RORA: variants seen among roughly 807,000 people sequenced by gnomAD.
RORA encodes RAR related orphan receptor A.
A neutral mutation model predicts 69.5 loss-of-function variants in RORA; 7 were observed. The ratio of observed to expected loss-of-function variants is 0.10; its 90% confidence interval spans 0.06 to 0.19. RORA has a LOEUF of 0.19. Ranked by LOEUF, RORA falls within the 10% of genes least tolerant of loss-of-function variation. RORA has a pLI of 1.00. For synonymous variants in RORA, 261 were observed against 240.8 expected (o/e 1.08, Z -0.78); for missense variants, 457 against 663.0 (o/e 0.69, Z 3.41).
intron 2 of RORA, among the ~76,000 whole-genome samples, chr15:60,661,237 G>C (rs532304744): frequency 1.3e-5 from 2 of 152,282 alleles, no homozygotes; most frequent in Admixed American, 6.5e-5. Context: ...AAGTGGTGCA[G>C]TTGCACAAGG....
chr15:60,791,659 T>G (rs2072419347), intron 1 of RORA, among the ~76,000 whole-genome samples: 1 of 152,140 alleles, frequency 6.6e-6, no homozygotes, highest in African/African-American at 2.4e-5. Context: ...TGCCCAATCC[T>G]CGGCTGGCTG....
At chr15:60,774,267 G>C (rs763360022) in intron 1 of RORA, among the ~76,000 whole-genome samples, 5 of 152,180 alleles carry the variant, frequency 3.3e-5, no homozygotes, top group Non-Finnish European at 7.3e-5. Context: ...AGTCTGCGTA[G>C]TACTTTTCAA....
At chr15:61,113,717 A>G (rs976509497) in intron 1 of RORA, among the ~76,000 whole-genome samples, 1 of 152,166 alleles carries the variant, frequency 6.6e-6, no homozygotes, top group Non-Finnish European at 1.5e-5. Context: ...ACATGCGGAT[A>G]TATACATCCT....
intron 1 of RORA, among the ~76,000 whole-genome samples, chr15:60,947,799 C>A (rs1892942674): frequency 6.6e-6 from 1 of 151,744 alleles, no homozygotes; most frequent in Non-Finnish European, 1.5e-5. Context: ...TGCCTGCAGC[C>A]TCCGCAGTGG....
intron 1 of RORA, among the ~76,000 whole-genome samples, chr15:60,869,028 C>T (rs1263109660): frequency 2.0e-5 from 3 of 152,156 alleles, no homozygotes; most frequent in Non-Finnish European, 2.9e-5. Flanking sequence ...CCATCAACCT[C>T]GGACCAAATC....
chr15:61,060,004 G>GAAGAAC (rs2078158045), intron 1 of RORA, among the ~76,000 whole-genome samples: 1 of 127,066 alleles, frequency 7.9e-6, no homozygotes, highest in African/African-American at 3.1e-5. Flanking sequence ...AGAAGAAGAA[G>GAAGAAC]AAGAAGAAGA....
rs1457890002 is a variant in RORA, at chr15:61,026,380, C to CT, written c.166+202672dup. 3.3e-5 allele frequency among the ~76,000 whole-genome samples: 5 copies of CT among 152,304 alleles called. No individual in the cohort carries two copies. In the East Asian group the frequency reaches 9.6e-4, roughly 29 times the overall value. ...TGGGATGTATTTTGCTGGTGAATTG[C>CT]TAGAAGCAGCAAAATTACAACGGTA... On this transcript the variant is annotated intron_variant, in intron 1 of 10. Coordinates refer to ENST00000335670, the MANE Select transcript of RORA (RefSeq NM_134261.3).
intron 1 of RORA, among the ~76,000 whole-genome samples, chr15:61,087,429 C>T (rs2078641425): frequency 6.6e-6 from 1 of 152,230 alleles, no homozygotes; most frequent in African/African-American, 2.4e-5. Context: ...AGTCATAATG[C>T]TTTGAAATTC....
At chr15:61,140,523 G>C (rs548170307) in intron 1 of RORA, among the ~76,000 whole-genome samples, 1 of 152,072 alleles carries the variant, frequency 6.6e-6, no homozygotes, top group Non-Finnish European at 1.5e-5. Context: ...ACAATGCCCC[G>C]ATCCAGAGCA....
intron 1 of RORA, among the ~76,000 whole-genome samples, chr15:60,980,179 CATTG>C (rs1462455540): frequency 5.3e-5 from 8 of 152,126 alleles, no homozygotes; most frequent in Non-Finnish European, 8.8e-5. Flanking sequence ...TGGTATATTG[CATTG>C]ATTGACTTTC....
chr15:60,876,311 T>TGGGGGGGGGG (rs56278031), intron 1 of RORA, among the ~76,000 whole-genome samples: 1 of 102,452 alleles, frequency 9.8e-6, no homozygotes. Flanking sequence ...TTACAGGAAG[T>TGGGGGGGGGG]GGGGGGGGGG....
chr15:60,719,989 C>G (rs1026372810), intron 1 of RORA, among the ~76,000 whole-genome samples: 4 of 152,134 alleles, frequency 2.6e-5, no homozygotes, highest in African/African-American at 9.7e-5. Context: ...AGAGGTATTT[C>G]AAGTCTACAA....
intron 1 of RORA, among the ~76,000 whole-genome samples, chr15:60,800,579 A>G (rs1328518630): frequency 1.3e-5 from 2 of 152,210 alleles, no homozygotes; most frequent in African/African-American, 4.8e-5. Flanking sequence ...GAGGGCCACC[A>G]GGCTAGCAGA....
chr15:60,791,185 G>T (rs142913853), intron 1 of RORA, among the ~76,000 whole-genome samples: 1 of 152,038 alleles, frequency 6.6e-6, no homozygotes, highest in Non-Finnish European at 1.5e-5. Flanking sequence ...TTACTACTTG[G>T]GCAAGTCACT....
At chr15:61,016,559 T>C (rs1027992041) in intron 1 of RORA, among the ~76,000 whole-genome samples, 2 of 152,122 alleles carry the variant, frequency 1.3e-5, no homozygotes, top group Admixed American at 6.5e-5. Context: ...TAGGATCATT[T>C]TTAAAGAACA....
In RORA at chr15:60,589,827, T is replaced by C. The variant is rs72748734; in HGVS notation, c.197-57976A>G. Among the ~76,000 whole-genome samples, 559 of 152,286 alleles carry C rather than the reference T, an allele frequency of 3.7e-3. 1 individual carries two copies. Among genetic ancestry groups the C allele is most frequent in the Non-Finnish European group, 6.4e-3 (434 of 68,018 alleles). On this transcript the variant is annotated intron_variant, in intron 2 of 10. Coordinates refer to ENST00000335670, the MANE Select transcript of RORA (RefSeq NM_134261.3). ...GAATCTTTCTTTTATGGTGGCTTGT[T>C]CTCTCCTCCCTTGTCCACATGCATC...
At chr15:61,101,622 C>T (rs187176166) in intron 1 of RORA, among the ~76,000 whole-genome samples, 50 of 152,178 alleles carry the variant, frequency 3.3e-4, no homozygotes, top group Admixed American at 2.1e-3. Flanking sequence ...AAAATAACGT[C>T]ACACAAGGCC....
At position 61,229,212 on chromosome 15, in the gene RORA, A is replaced by C; in HGVS notation, c.7T>G (p.Ser3Ala). Residue 3 changes from serine to alanine, a missense_variant, in exon 1 of 11, where the codon TCA becomes GCA. Ser to Ala is a moderately conservative substitution (Grantham distance 99). Transcript: ENST00000335670. ...GCGGGGTCGGGGGCTGCCGGAGCTGACTCCATGTTTTTTCCCAATGTAGAG... is the reference window on the plus strand; with the variant it reads ...GCGGGGTCGGGGGCTGCCGGAGCTGCCTCCATGTTTTTTCCCAATGTAGAG... MESAPAAPDPAAS... is the reference protein window; with the variant it reads MEAAPAAPDPAAS... 2 of 1,435,452 alleles carry C rather than the reference A, an allele frequency of 1.4e-6. No homozygotes were observed. The highest frequency in any genetic ancestry group is 1.8e-6 in the Non-Finnish European group (2 of 1,085,706). The allele number at this position is 1,435,452 out of a possible 1,614,324, so 88.9% of individuals were successfully genotyped here.
intron 2 of RORA, among the ~76,000 whole-genome samples, chr15:60,561,826 G>T (rs997024599): frequency 6.6e-6 from 1 of 152,078 alleles, no homozygotes; most frequent in African/African-American, 2.4e-5. Context: ...CAGGGGTGGT[G>T]GTGGGGGACT....
Sources: gnomAD v4.1 joint callset for allele counts (sites outside exome capture counted in the v4.1 genomes callset) on GRCh38, gnomAD v4.1.1 for gene constraint, MANE v1.5 for transcripts, NCBI Gene and HGNC (gene_info 2026-07-23, HGNC 2026-07-21) for gene names.